ADAM12: variants seen among roughly 807,000 people sequenced by gnomAD.
The protein encoded by ADAM12 is disintegrin and metalloproteinase domain-containing protein 12.
A neutral mutation model predicts 106.4 loss-of-function variants in ADAM12; 70 were observed. The ratio of observed to expected loss-of-function variants is 0.66; its 90% CI spans 0.54 to 0.80. The LOEUF is 0.80. Ranked by LOEUF, ADAM12 falls within the 30% of genes least tolerant of loss-of-function variation. ADAM12 has a pLI of 0.00. For synonymous variants in ADAM12, 420 were observed against 433.5 expected (o/e 0.97, Z 0.39); for missense variants, 1,010 against 1,171.9 (o/e 0.86, Z 2.02).
intron 3 of ADAM12, among the ~76,000 whole-genome samples, chr10:126,166,021 C>A (rs887795694): frequency 6.6e-6 from 1 of 152,198 alleles, no homozygotes; most frequent in Admixed American, 6.5e-5. Flanking sequence ...TTGCCCAGCT[C>A]TTTCTCATTT....
At chr10:126,321,106 C>T (rs1484246075) in intron 2 of ADAM12, among the ~76,000 whole-genome samples, 3 of 152,126 alleles carry the variant, frequency 2.0e-5, no homozygotes, top group Non-Finnish European at 2.9e-5. Context: ...CGTCCTTGGG[C>T]AAATGTACAA....
intron 3 of ADAM12, among the ~76,000 whole-genome samples, chr10:126,226,400 C>T (rs73382661): frequency 0.028 from 4,320 of 152,200 alleles, 186 homozygotes; most frequent in African/African-American, 0.095. Context: ...GGAGGGGATG[C>T]GTGTGCAGCC....
At chr10:126,185,467 T>C (rs1478008702) in intron 3 of ADAM12, among the ~76,000 whole-genome samples, 1 of 142,428 alleles carries the variant, frequency 7.0e-6, no homozygotes, top group Non-Finnish European at 1.5e-5. Flanking sequence ...AATATCTTGA[T>C]TTCTGTTAAC....
chr10:126,204,760 T>C (rs890612707), intron 3 of ADAM12, among the ~76,000 whole-genome samples: 2 of 152,236 alleles, frequency 1.3e-5, no homozygotes, highest in Non-Finnish European at 2.9e-5. Context: ...GGTGGCCCTA[T>C]TTACGGGCTT....
At chr10:126,125,671 C>G (rs1347737060) in intron 5 of ADAM12, among the ~76,000 whole-genome samples, 2 of 151,880 alleles carry the variant, frequency 1.3e-5, no homozygotes, top group African/African-American at 4.8e-5. Flanking sequence ...AGTGTCCCCC[C>G]CAGCCCCCAG....
At chr10:126,195,569 C>T (rs1159127583) in intron 3 of ADAM12, among the ~76,000 whole-genome samples, 1 of 152,062 alleles carries the variant, frequency 6.6e-6, no homozygotes, top group Non-Finnish European at 1.5e-5. Flanking sequence ...AGCAAAACTC[C>T]ATCCCCCACC....
At chr10:126,278,727 G>A (rs1472450960) in intron 3 of ADAM12, among the ~76,000 whole-genome samples, 188 bp downstream of exon 3, 1 of 152,178 alleles carries the variant, frequency 6.6e-6, no homozygotes, top group Non-Finnish European at 1.5e-5. Flanking sequence ...CCTTAATAGA[G>A]TGATAAAATT....
Position 126,263,455 on chromosome 10 carries a change from A to G in ADAM12, c.260+15460T>C, listed in dbSNP as rs550599711. Among the ~76,000 whole-genome samples, 422 of 148,242 alleles carry G rather than the reference A, an allele frequency of 2.8e-3. 2 individuals carry two copies. Among genetic ancestry groups the G allele is most frequent in the Non-Finnish European group, 4.7e-3 (317 of 67,170 alleles). On this transcript the variant is annotated intron_variant, in intron 3 of 22. Coordinates refer to ENST00000448723, the MANE Select transcript of ADAM12 (RefSeq NM_001288973.2). ...GCTCAGTGCTTCTCCCCTATATCAC[A>G]CTAGATCCTCTTTGCTGTTTTTTTG...
chr10:126,065,069 C>A, intron 13 of ADAM12, 68 bp from the exon 14 acceptor site: 1 of 1,498,218 alleles, frequency 6.7e-7, no homozygotes, highest in South Asian at 1.3e-5. Context: ...CAGCATTACT[C>A]CTGGGCTGGA....
chr10:126,247,987 G>A (rs139943979), intron 3 of ADAM12, among the ~76,000 whole-genome samples: 80 of 152,344 alleles, frequency 5.3e-4, no homozygotes, highest in African/African-American at 1.8e-3. Flanking sequence ...TCTGTGGGCC[G>A]TGAAGGCAGT....
rs1378544697 is a variant in ADAM12, at chr10:126,053,135, C to T, written c.1610-3466G>A. ...TTCCTTCTCTCTCTTGCTCCTGCTCCGGCCGCGTGATGTGCCTGCTTCTCC... is the reference window on the plus strand; with the variant it reads ...TTCCTTCTCTCTCTTGCTCCTGCTCTGGCCGCGTGATGTGCCTGCTTCTCC... On this transcript the variant is annotated intron_variant, in intron 14 of 22. Coordinates refer to ENST00000448723, the MANE Select transcript of ADAM12 (RefSeq NM_001288973.2). The surrounding 1 kb of genome is among the most constrained non-coding windows in gnomAD (Gnocchi z 4.6). 3.3e-5 allele frequency among the ~76,000 whole-genome samples: 5 copies of T among 152,104 alleles called. No individual in the cohort carries two copies. Among genetic ancestry groups the T allele is most frequent in the African/African-American group, 7.2e-5 (3 of 41,406 alleles).
chr10:126,089,310 G>C (rs766319446), intron 11 of ADAM12, among the ~76,000 whole-genome samples: 12 of 152,208 alleles, frequency 7.9e-5, no homozygotes, highest in Non-Finnish European at 1.2e-4. Flanking sequence ...TTTACATCAA[G>C]TGTACAAGGC....
chr10:126,250,470 C>T (rs186684711), intron 3 of ADAM12, among the ~76,000 whole-genome samples: 2 of 152,244 alleles, frequency 1.3e-5, no homozygotes, highest in South Asian at 2.1e-4. Context: ...TGACCTGGCC[C>T]TGCTCGTTTA....
intron 1 of ADAM12, among the ~76,000 whole-genome samples, chr10:126,338,473 C>G (rs1338953515): frequency 1.3e-5 from 2 of 151,700 alleles, no homozygotes; most frequent in East Asian, 1.9e-4. Flanking sequence ...GGGATGGTCT[C>G]GATCTCCTGA....
rs547051132 is a variant in ADAM12 at position 126,037,094 on chromosome 10, A to C, written c.2350-769T>G. Among the ~76,000 whole-genome samples the C allele has an allele frequency of 4.6e-5, 7 of 152,252 alleles. No homozygotes were observed. In the South Asian group the frequency reaches 1.5e-3, roughly 32 times the overall value. The stretch of plus-strand genomic sequence containing the variant: ...CAGTTTGCATTTGTCAGAATTGTAT[A>C]TAAGTGGGATCACAGAGTATATACT... On this transcript the variant is annotated intron_variant, in intron 20 of 22. Coordinates refer to ENST00000448723, the MANE Select transcript of ADAM12 (RefSeq NM_001288973.2).
At chr10:126,128,719 T>C (rs868109569) in intron 5 of ADAM12, among the ~76,000 whole-genome samples, 3 of 144,314 alleles carry the variant, frequency 2.1e-5, no homozygotes, top group African/African-American at 2.6e-5. Context: ...AGTGGGCGCC[T>C]GTGCGAGTGT....
intron 11 of ADAM12, among the ~76,000 whole-genome samples, chr10:126,088,743 C>T (rs957993437): frequency 2.1e-5 from 3 of 144,152 alleles, no homozygotes; most frequent in African/African-American, 7.7e-5. Flanking sequence ...AGAGAGAAGG[C>T]TGACCTGGGT....
chr10:126,124,459 T>C (rs113355634), intron 5 of ADAM12, among the ~76,000 whole-genome samples: 307 of 152,280 alleles, frequency 2.0e-3, no homozygotes, highest in African/African-American at 6.9e-3. Context: ...CTTTATCCTT[T>C]TACTATGCGC....
intron 3 of ADAM12, among the ~76,000 whole-genome samples, chr10:126,156,279 A>G (rs1462467781): frequency 6.6e-6 from 1 of 152,160 alleles, no homozygotes; most frequent in African/African-American, 2.4e-5. Flanking sequence ...GGAGGCAGGG[A>G]ACAAAGGTCG....
Sources: allele counts gnomAD v4.1 joint callset (sites outside exome capture counted in the v4.1 genomes callset), GRCh38; gene constraint gnomAD v4.1.1; non-coding constraint Gnocchi (gnomAD v3.1); transcripts MANE v1.5; gene names NCBI Gene and HGNC (gene_info 2026-07-23, HGNC 2026-07-21).